SEC63: variants seen among roughly 807,000 people sequenced by gnomAD.
SEC63 encodes translocation protein SEC63 homolog.
A neutral mutation model predicts 116.2 loss-of-function variants in SEC63; 56 were observed. That is an observed-to-expected ratio of 0.48 (90% CI 0.39 to 0.60). SEC63 has a LOEUF of 0.60. SEC63 is among the 20% of genes least tolerant of loss of function. SEC63 has a pLI of 0.00. For missense variants in SEC63, 668 were observed against 900.0 expected, an observed-to-expected ratio of 0.74 and a Z score of 3.30; for synonymous variants, 273 against 294.6, an observed-to-expected ratio of 0.93 and a Z score of 0.75.
intron 19 of SEC63, among the ~76,000 whole-genome samples, chr6:107,875,859 A>G (rs1254194092): frequency 6.6e-6 from 1 of 152,162 alleles, no homozygotes; most frequent in Non-Finnish European, 1.5e-5. Context: ...AGCAATATAG[A>G]CCAAAATTAC....
At chr6:107,896,721 G>A (rs1021344372) in intron 14 of SEC63, among the ~76,000 whole-genome samples, 9 of 152,134 alleles carry the variant, frequency 5.9e-5, no homozygotes, top group African/African-American at 1.9e-4. Context: ...GCTCACGCCT[G>A]TAATCCCAGA....
At chr6:107,874,916 G>A (rs904270347) in intron 19 of SEC63, among the ~76,000 whole-genome samples, 9 of 152,164 alleles carry the variant, frequency 5.9e-5, no homozygotes, top group Non-Finnish European at 8.8e-5. Flanking sequence ...TAGTGGAATC[G>A]TTGAGGAAAT....
intron 16 of SEC63, among the ~76,000 whole-genome samples, chr6:107,891,871 G>A (rs557412205): frequency 6.6e-6 from 1 of 152,180 alleles, no homozygotes; most frequent in African/African-American, 2.4e-5. Context: ...TCTTTGCCTG[G>A]GTATCACCAG....
chr6:107,889,105 A>C (rs1269621048), intron 16 of SEC63, among the ~76,000 whole-genome samples: 3 of 152,204 alleles, frequency 2.0e-5, no homozygotes, highest in Non-Finnish European at 2.9e-5. Context: ...CTGGCCTCAT[A>C]AAATGAGTTA....
intron 5 of SEC63, 65 bp downstream of exon 5, chr6:107,913,301 A>C: frequency 2.0e-6 from 2 of 1,020,234 alleles, no homozygotes; most frequent in Non-Finnish European, 3.1e-6. Context: ...TATTCCTTTA[A>C]TCTGGTTAAC....
intron 1 of SEC63, among the ~76,000 whole-genome samples, chr6:107,940,602 T>G (rs898786205): frequency 8.0e-6 from 1 of 125,040 alleles, no homozygotes; most frequent in Admixed American, 7.8e-5. Context: ...AAATTGCCCC[T>G]GATTTAAAGT....
intron 16 of SEC63, 64 bp from the exon 17 acceptor site, chr6:107,883,210 C>T: frequency 6.3e-7 from 1 of 1,596,030 alleles, no homozygotes; most frequent in Non-Finnish European, 8.5e-7. Context: ...AATCTGAATC[C>T]CTGAAGTTAA....
At chr6:107,925,693 G>A (rs1172564938) in intron 2 of SEC63, among the ~76,000 whole-genome samples, 3 of 152,176 alleles carry the variant, frequency 2.0e-5, no homozygotes, top group African/African-American at 7.2e-5. Flanking sequence ...ATATCTGGCA[G>A]TAAGGTATTA....
At chr6:107,921,008 G>GGT (rs1787543772) in intron 4 of SEC63, among the ~76,000 whole-genome samples, 1 of 152,088 alleles carries the variant, frequency 6.6e-6, no homozygotes, top group African/African-American at 2.4e-5. Context: ...CAGTGAAAAA[G>GGT]GAGACCTTAA....
In SEC63 at chr6:107,868,089, T is replaced by G. The variant is rs1054899350; in HGVS notation, c.*3615A>C. The G allele has an allele frequency of 6.7e-6, 1 of 148,878 alleles. No homozygotes were observed. Among genetic ancestry groups the G allele is most frequent in the Admixed American group, 6.8e-5 (1 of 14,710 alleles). 9.2% of individuals were successfully genotyped at this position (148,878 alleles called of 1,614,324 possible). On this transcript the variant is annotated 3_prime_UTR_variant, in exon 21 of 21. Coordinates refer to ENST00000369002, the MANE Select transcript of SEC63 (RefSeq NM_007214.5). ...GATGAGAATGCTTGGTGCTAACTTCTTGAGACATATTTGGACTAATCACTA... is the reference window on the plus strand; with the variant it reads ...GATGAGAATGCTTGGTGCTAACTTCGTGAGACATATTTGGACTAATCACTA...
intron 2 of SEC63, among the ~76,000 whole-genome samples, chr6:107,927,113 A>G (rs1787693307): frequency 6.6e-6 from 1 of 152,102 alleles, no homozygotes. Context: ...CCCAGGCTGG[A>G]GTGCAGTGGC....
intron 16 of SEC63, among the ~76,000 whole-genome samples, chr6:107,884,027 A>G (rs1203037594): frequency 6.6e-6 from 1 of 152,116 alleles, no homozygotes; most frequent in African/African-American, 2.4e-5. Flanking sequence ...AGGCAGGTGG[A>G]TAATTTAAGG....
intron 14 of SEC63, 41 bp from the exon 15 acceptor site, chr6:107,893,938 T>G (rs771003120): frequency 6.3e-7 from 1 of 1,593,474 alleles, no homozygotes. Flanking sequence ...TCTGTCAACC[T>G]ATATTTATCT....
rs546001993 is a variant in SEC63, at chr6:107,929,346, C to T, written c.224+69G>A. 2.4e-4 allele frequency: 196 copies of T among 807,684 alleles called. 3 individuals are homozygous for T. In the African/African-American group the frequency reaches 2.9e-3, roughly 12 times the overall value. 50.0% of individuals were successfully genotyped at this position (807,684 alleles called of 1,614,324 possible). A position where few individuals can be genotyped will look rare whatever the true frequency, so the allele number is the denominator to read the frequency against. On this transcript the variant is annotated intron_variant, in intron 2 of 20. Coordinates refer to ENST00000369002, the MANE Select transcript of SEC63 (RefSeq NM_007214.5). ...ACACAATGACTTATTCATCATTACA[C>T]GTATATGTTGTATGACCTAGCAAAG...
At chr6:107,932,646 T>A (rs1787838174) in intron 1 of SEC63, among the ~76,000 whole-genome samples, 1 of 152,214 alleles carries the variant, frequency 6.6e-6, no homozygotes, top group African/African-American at 2.4e-5. Context: ...CCCTGTACTG[T>A]TGGACTGGAA....
intron 16 of SEC63, among the ~76,000 whole-genome samples, chr6:107,892,688 CAATAGAAAAA>C (rs1466266957): frequency 6.6e-6 from 1 of 151,876 alleles, no homozygotes; most frequent in African/African-American, 2.4e-5. Flanking sequence ...ACAAACAACC[CAATAGAAAAA>C]GAAGTTATCC....
At chr6:107,938,573 T>C (rs1394508917) in intron 1 of SEC63, among the ~76,000 whole-genome samples, 6 of 129,412 alleles carry the variant, frequency 4.6e-5, no homozygotes, top group Admixed American at 4.4e-4. Flanking sequence ...TTTCTTTTTT[T>C]TTTTTTTTAG....
At chr6:107,884,098 A>AAAAC (rs4029205) in intron 16 of SEC63, among the ~76,000 whole-genome samples, 115,546 of 150,108 alleles carry the variant, frequency 0.77, 45,731 homozygotes, top group South Asian at 0.89. Flanking sequence ...AAAAATACAA[A>AAAAC]AAACAAACAA....
chr6:107,914,474 A>G (rs1787355104), intron 4 of SEC63, among the ~76,000 whole-genome samples: 1 of 152,164 alleles, frequency 6.6e-6, no homozygotes, highest in Admixed American at 6.5e-5. Context: ...TTAGTTTTCG[A>G]TGACTTGAAA....
Sources: gnomAD v4.1 joint callset for allele counts (sites outside exome capture counted in the v4.1 genomes callset) on GRCh38, gnomAD v4.1.1 for gene constraint, MANE v1.5 for transcripts, NCBI Gene and HGNC (gene_info 2026-07-23, HGNC 2026-07-21) for gene names.